The following ZNF350 variants were observed in gnomAD, a reference collection of about 807,000 sequenced individuals.
ZNF350 encodes the protein KRAB zinc finger protein ZFQR.
In ZNF350, 5 loss-of-function variants were observed where a neutral mutation model predicts 13.1. The observed-to-expected ratio is 0.38, with a 90% CI of 0.20 to 0.80. The LOEUF (loss-of-function observed/expected upper bound fraction) is 0.80. Ranked by LOEUF, ZNF350 falls within the 30% of genes least tolerant of loss-of-function variation. The pLI is 0.43. For synonymous variants in ZNF350, 199 were observed against 224.2 expected (o/e 0.89, Z 1.00); for missense variants, 534 against 644.2 (o/e 0.83, Z 1.85).
chr19:51,969,195 T>C, intron 2 of ZNF350, 64 bp from the exon 3 acceptor site: 2 of 1,578,970 alleles, frequency 1.3e-6, no homozygotes, highest in South Asian at 2.3e-5. Context: ...AATGCTAAAG[T>C]TTTTCTGCTC....
chr19:51,969,590 C>T (rs146314277), intron 2 of ZNF350, among the ~76,000 whole-genome samples: 38 of 152,016 alleles, frequency 2.5e-4, no homozygotes, highest in African/African-American at 7.7e-4. Context: ...CCAGCACTTT[C>T]GGAGGCCAAG....
intron 4 of ZNF350, among the ~76,000 whole-genome samples, chr19:51,966,795 G>A (rs2085593525): frequency 6.6e-6 from 1 of 151,724 alleles, no homozygotes; most frequent in Non-Finnish European, 1.5e-5. Flanking sequence ...TTACAGGCAT[G>A]CACCACCGCA....
In ZNF350 at chr19:51,974,416, C is replaced by T; in HGVS notation, c.-56G>A. On this transcript the variant is annotated 5_prime_UTR_variant, in exon 2 of 5. Coordinates refer to ENST00000243644, the MANE Select transcript of ZNF350 (RefSeq NM_021632.4). ...CTGGGATGGTCTGTCTTTGTATCTT[C>T]TGGCCTTCTCTTCAGAAGTCTCAGT... The T allele has an allele frequency of 6.2e-7, 1 of 1,600,092 alleles. No homozygotes were observed. The highest frequency in any genetic ancestry group is 1.3e-5 in the African/African-American group (1 of 74,480).
Position 51,976,530 on chromosome 19 carries a change from G to C in ZNF350, c.-171-1999C>G, listed in dbSNP as rs1329125602. 6.6e-6 allele frequency: 1 copy of C among 152,260 alleles called. No individual in the cohort carries two copies. Among genetic ancestry groups the C allele is most frequent in the South Asian group, 2.1e-4 (1 of 4,828 alleles). The allele number at this position is 152,260 out of a possible 1,614,324, so 9.4% of individuals were successfully genotyped here. ...GAGCAGAGGAACTGAAATTGACAAG[G>C]CGAAAGGGGACCCTGGGAAGAGTCT... On this transcript the variant is annotated intron_variant, in intron 1 of 4. Coordinates refer to ENST00000243644, the MANE Select transcript of ZNF350 (RefSeq NM_021632.4). This position sits in a 1 kb window ranked among gnomAD's most constrained non-coding sequence, Gnocchi z 4.5.
At chr19:51,981,726 A>C (rs2086050465) in intron 1 of ZNF350, among the ~76,000 whole-genome samples, 1 of 152,190 alleles carries the variant, frequency 6.6e-6, no homozygotes, top group Non-Finnish European at 1.5e-5. Context: ...AAAGAGAAAC[A>C]ATGCTCACTG....
In ZNF350 at chr19:51,974,336, A is replaced by C. The variant is rs776019471; in HGVS notation, c.15+10T>G. 10 of 1,613,796 alleles carry C rather than the reference A, an allele frequency of 6.2e-6. No homozygotes were observed. The highest frequency in any genetic ancestry group is 1.7e-4 in the Middle Eastern group (1 of 6,060). On this transcript the variant is annotated intron_variant, in intron 2 of 4. Coordinates refer to ENST00000243644, the MANE Select transcript of ZNF350 (RefSeq NM_021632.4). ...AAAGGAAAGAATAAAACAAACCAAA[A>C]GTCAGTTACCTGGGCCTGGATCATT...
rs750410968 is a variant in ZNF350 at position 51,964,410 on chromosome 19, C to T, written c.*444G>A. The T allele has an allele frequency of 1.1e-4, 17 of 161,738 alleles. No individual in the cohort carries two copies. Among genetic ancestry groups the T allele is most frequent in the Admixed American group, 1.2e-4 (2 of 16,104 alleles). The allele number at this position is 161,738 out of a possible 1,614,324, so 10.0% of individuals were successfully genotyped here. A position where few individuals can be genotyped will look rare whatever the true frequency, so the allele number is the denominator to read the frequency against. Reference sequence around the variant, plus strand: ...AGATCCCTCTGCATAATACAAAGTTCTGAAAGTTTATGGTCCTGGTTTTCA... The same window carrying T: ...AGATCCCTCTGCATAATACAAAGTTTTGAAAGTTTATGGTCCTGGTTTTCA... On this transcript the variant is annotated 3_prime_UTR_variant, in exon 5 of 5. Transcript: ENST00000243644.
At chr19:51,970,463 A>G (rs1189090788) in intron 2 of ZNF350, among the ~76,000 whole-genome samples, 1 of 150,504 alleles carries the variant, frequency 6.6e-6, no homozygotes, top group Non-Finnish European at 1.5e-5. Flanking sequence ...AATCATGACA[A>G]TAAAAAAGTC....
At chr19:51,985,924 T>A (rs1298959669) in intron 1 of ZNF350, among the ~76,000 whole-genome samples, 1 of 152,018 alleles carries the variant, frequency 6.6e-6, no homozygotes, top group Non-Finnish European at 1.5e-5. Flanking sequence ...GGAGAATCGC[T>A]TGAACCCGGG....
At chr19:51,977,305 T>C (rs899831784) in intron 1 of ZNF350, among the ~76,000 whole-genome samples, 2 of 152,218 alleles carry the variant, frequency 1.3e-5, no homozygotes, top group Admixed American at 6.5e-5. Flanking sequence ...CACCTTAGGA[T>C]TGCTAGAATC....
intron 2 of ZNF350, 126 bp from the exon 3 acceptor site, chr19:51,969,257 C>A: frequency 9.0e-7 from 1 of 1,110,788 alleles, no homozygotes; most frequent in Non-Finnish European, 1.3e-6. Flanking sequence ...TTTTTTAATA[C>A]AATGTGGAAG....
At chr19:51,982,697 A>G (rs1424171432) in intron 1 of ZNF350, among the ~76,000 whole-genome samples, 1 of 152,116 alleles carries the variant, frequency 6.6e-6, no homozygotes, top group East Asian at 1.9e-4. Flanking sequence ...TTAAAGTTTG[A>G]AAAAAAAGTT....
At chr19:51,972,439 C>T (rs2085768691) in intron 2 of ZNF350, among the ~76,000 whole-genome samples, 1 of 148,408 alleles carries the variant, frequency 6.7e-6, no homozygotes, top group African/African-American at 2.5e-5. Context: ...TTGATTCTCT[C>T]CTAACCCCCA....
At position 51,976,694 on chromosome 19, in the gene ZNF350, A is replaced by C. The variant is rs765154078; in HGVS notation, c.-171-2163T>G. 1.3e-5 allele frequency: 2 copies of C among 152,222 alleles called. No individual in the cohort carries two copies. Among genetic ancestry groups the C allele is most frequent in the Non-Finnish European group, 2.9e-5 (2 of 68,034 alleles). The allele number at this position is 152,222 out of a possible 1,614,324, so 9.4% of individuals were successfully genotyped here. On this transcript the variant is annotated intron_variant, in intron 1 of 4. Coordinates refer to ENST00000243644, the MANE Select transcript of ZNF350 (RefSeq NM_021632.4). This position sits in a 1 kb window ranked among gnomAD's most constrained non-coding sequence, Gnocchi z 4.5. ...AGAAAAACATTATGTGCAGTTGCTTAAAGTTCTGTTGAGACAGTCTGCAGC... is the reference window on the plus strand; with the variant it reads ...AGAAAAACATTATGTGCAGTTGCTTCAAGTTCTGTTGAGACAGTCTGCAGC...
intron 1 of ZNF350, among the ~76,000 whole-genome samples, chr19:51,980,457 T>G (rs1356268146): frequency 2.0e-5 from 3 of 152,164 alleles, no homozygotes; most frequent in South Asian, 2.1e-4. Flanking sequence ...TTCAAACATC[T>G]CAGTAGGTGG....
chr19:51,966,866 C>T (rs1396629094), intron 4 of ZNF350, among the ~76,000 whole-genome samples: 1 of 151,126 alleles, frequency 6.6e-6, no homozygotes, highest in East Asian at 1.9e-4. Context: ...AGGCTGATCT[C>T]GAACTCCCGA....
intron 2 of ZNF350, among the ~76,000 whole-genome samples, chr19:51,969,665 C>CA (rs1226940432): frequency 1.3e-5 from 2 of 151,860 alleles, no homozygotes; most frequent in Non-Finnish European, 2.9e-5. Context: ...CCCATCTGTA[C>CA]AAAAAATTAA....
chr19:51,965,517 A>G lies in ZNF350; in HGVS notation c.936T>C (p.His312=). Residue 312 remains histidine (H), a synonymous_variant, in exon 5 of 5, where the codon CAT becomes CAC. Coordinates refer to ENST00000243644, the MANE Select transcript of ZNF350 (RefSeq NM_021632.4). ...TGCATATATAAGGTTTCTCACCTGT[A>G]TGAATTCGCTGGTGTACAATGAGAT... ...KGNLIVHQRI[H]TGEKPYICNE... 1 of 1,614,162 alleles carries G rather than the reference A, an allele frequency of 6.2e-7. No individual in the cohort carries two copies. Among genetic ancestry groups the G allele is most frequent in the Non-Finnish European group, 8.5e-7 (1 of 1,180,012 alleles).
At chr19:51,970,403 A>G (rs2085705800) in intron 2 of ZNF350, among the ~76,000 whole-genome samples, 1 of 152,160 alleles carries the variant, frequency 6.6e-6, no homozygotes, top group Non-Finnish European at 1.5e-5. Context: ...TATAATATCT[A>G]ATACAATGTA....
Sources: gnomAD v4.1 joint callset for allele counts (sites outside exome capture counted in the v4.1 genomes callset) on GRCh38, gnomAD v4.1.1 for gene constraint, Gnocchi (gnomAD v3.1) non-coding constraint, MANE v1.5 for transcripts, NCBI Gene and HGNC (gene_info 2026-07-23, HGNC 2026-07-21) for gene names.